CCDC91: variants seen among roughly 807,000 people sequenced by gnomAD.
CCDC91 encodes the protein coiled-coil domain containing 91.
In CCDC91, 48 loss-of-function variants were observed where a neutral mutation model predicts 63.2. The ratio of observed to expected loss-of-function variants is 0.76; its 90% CI spans 0.60 to 0.97. The LOEUF (loss-of-function observed/expected upper bound fraction) is 0.97, where lower values mean the gene tolerates loss of function less well. CCDC91 is among the 50% of genes least tolerant of loss of function. The pLI is 0.00. For synonymous variants in CCDC91, 167 were observed against 165.8 expected (o/e 1.01, Z -0.06); for missense variants, 500 against 494.6 (o/e 1.01, Z -0.10).
intron 8 of CCDC91, among the ~76,000 whole-genome samples, chr12:28,410,064 T>C (rs1947222736): frequency 6.6e-6 from 1 of 152,158 alleles, no homozygotes; most frequent in Non-Finnish European, 1.5e-5. Context: ...TCTTGTCAAG[T>C]CTTGTGTATT....
chr12:28,538,213 G>A lies in CCDC91; in HGVS notation c.1216-10850G>A, dbSNP rs182482350. 8.0e-5 allele frequency among the ~76,000 whole-genome samples: 12 copies of A among 150,498 alleles called. 1 individual carries two copies. The highest frequency in any genetic ancestry group is 1.3e-4 in the Admixed American group (2 of 15,148). ...GTTGGTGTGCTACACCCAGTAACTC[G>A]TCATTTAACATTATGTATATCTCCT... is the stretch of plus-strand genomic sequence containing the variant. On this transcript the variant is annotated intron_variant, in intron 12 of 12. Coordinates refer to ENST00000536442, the MANE Select transcript of CCDC91 (RefSeq NM_018318.5).
chr12:28,421,857 A>G (rs1376057128), intron 8 of CCDC91, among the ~76,000 whole-genome samples: 1 of 152,008 alleles, frequency 6.6e-6, no homozygotes, highest in Admixed American at 6.6e-5. Context: ...CCTTCCCTGT[A>G]TCCTATCATT....
At chr12:28,246,325 T>A (rs1945732540) in intron 1 of CCDC91, among the ~76,000 whole-genome samples, 1 of 152,158 alleles carries the variant, frequency 6.6e-6, no homozygotes, top group Non-Finnish European at 1.5e-5. Context: ...ACTGTCAGGG[T>A]CTTCAGGTTT....
At chr12:28,285,815 T>G (rs1180448329) in intron 3 of CCDC91, among the ~76,000 whole-genome samples, 24 of 152,106 alleles carry the variant, frequency 1.6e-4, no homozygotes, top group Non-Finnish European at 2.5e-4. Context: ...AATAGCTAGC[T>G]CTCCTTTATT....
intron 12 of CCDC91, among the ~76,000 whole-genome samples, chr12:28,538,746 C>G (rs1160010616): frequency 5.3e-5 from 8 of 152,048 alleles, no homozygotes; most frequent in Non-Finnish European, 1.2e-4. Context: ...ATTCCTATTT[C>G]TCCACATCCT....
chr12:28,474,649 A>C lies in CCDC91; in HGVS notation c.1102-9403A>C, dbSNP rs1329194769. ...GGGACTAAAAATATCTATGTGTTAG[A>C]TTTTGCAGTGTTTCTAAGAAATAAG... On this transcript the variant is annotated intron_variant, in intron 11 of 12. Transcript: ENST00000536442. 2.6e-5 allele frequency among the ~76,000 whole-genome samples: 4 copies of C among 152,190 alleles called. No homozygotes were observed. In the East Asian group the frequency reaches 7.7e-4, roughly 29 times the overall value.
intron 12 of CCDC91, among the ~76,000 whole-genome samples, chr12:28,486,819 G>A (rs896315681): frequency 3.9e-5 from 6 of 151,932 alleles, no homozygotes; most frequent in Non-Finnish European, 8.8e-5. Flanking sequence ...CCAAGAAACC[G>A]TGACATTAGC....
At chr12:28,247,248 A>G (rs1275016246) in intron 1 of CCDC91, among the ~76,000 whole-genome samples, 3 of 152,174 alleles carry the variant, frequency 2.0e-5, no homozygotes, top group Non-Finnish European at 4.4e-5. Flanking sequence ...TGGGAGGCCG[A>G]GGCCGGTGGA....
intron 3 of CCDC91, among the ~76,000 whole-genome samples, chr12:28,279,089 C>A (rs1948428444): frequency 6.6e-6 from 1 of 151,576 alleles, no homozygotes; most frequent in South Asian, 2.1e-4. Context: ...TTTTTCTTAC[C>A]TTTCCTCTCT....
intron 6 of CCDC91, among the ~76,000 whole-genome samples, chr12:28,352,452 G>A (rs1264433952): frequency 1.3e-5 from 2 of 152,178 alleles, no homozygotes; most frequent in Non-Finnish European, 2.9e-5. Context: ...TGTTAATTAA[G>A]TTTGTGTGGT....
chr12:28,539,708 A>G lies in CCDC91; in HGVS notation c.1216-9355A>G, dbSNP rs77782792. On this transcript the variant is annotated intron_variant, in intron 12 of 12. Transcript: ENST00000536442. The stretch of plus-strand genomic sequence containing the variant: ...GTTTACAAGAAGTAGGGATGTTAGG[A>G]TTTTCTTACATTCTTAGATCCAGGT... Among the ~76,000 whole-genome samples, 356 of 152,206 alleles carry G rather than the reference A, an allele frequency of 2.3e-3. 2 individuals are homozygous for G. Among genetic ancestry groups the G allele is most frequent in the African/African-American group, 8.1e-3 (338 of 41,538 alleles).
At chr12:28,459,685 T>TAACGACTAGTTAA (rs1390209412) in intron 11 of CCDC91, among the ~76,000 whole-genome samples, 1 of 152,180 alleles carries the variant, frequency 6.6e-6, no homozygotes, top group Non-Finnish European at 1.5e-5. Context: ...GAAAAATGTT[T>TAACGACTAGTTAA]ACTTTGAACG....
rs141762179 is a variant in CCDC91, at chr12:28,440,956, G to T, written c.763-9205G>T. On this transcript the variant is annotated intron_variant, in intron 8 of 12. Coordinates refer to ENST00000536442, the MANE Select transcript of CCDC91 (RefSeq NM_018318.5). ...ACCTGTAATCCCAGCTACTCAGGAGGCTGAGACAGGAGAATAATTTGAATC... is the reference window on the plus strand; with the variant it reads ...ACCTGTAATCCCAGCTACTCAGGAGTCTGAGACAGGAGAATAATTTGAATC... 2.3e-3 allele frequency among the ~76,000 whole-genome samples: 341 copies of T among 147,508 alleles called. 18 individuals are homozygous for T. The East Asian group carries it at 0.068, about 29-fold the overall frequency.
At chr12:28,439,029 C>T (rs1296954908) in intron 8 of CCDC91, among the ~76,000 whole-genome samples, 3 of 152,080 alleles carry the variant, frequency 2.0e-5, no homozygotes, top group Non-Finnish European at 4.4e-5. Context: ...CCAGGCCTGC[C>T]TTTTTAATGC....
intron 7 of CCDC91, among the ~76,000 whole-genome samples, chr12:28,384,827 A>AG (rs1170514644): frequency 1.3e-5 from 2 of 152,134 alleles, no homozygotes; most frequent in Non-Finnish European, 2.9e-5. Context: ...TGGAGGAAAA[A>AG]TAGATGAATG....
At chr12:28,327,946 G>A (rs1941165682) in intron 6 of CCDC91, among the ~76,000 whole-genome samples, 1 of 152,084 alleles carries the variant, frequency 6.6e-6, no homozygotes, top group Non-Finnish European at 1.5e-5. Flanking sequence ...GGTGAGATAG[G>A]AATTCAGCTA....
intron 6 of CCDC91, among the ~76,000 whole-genome samples, chr12:28,359,417 C>A (rs527727192): frequency 1.3e-4 from 20 of 152,148 alleles, no homozygotes; most frequent in African/African-American, 4.8e-4. Context: ...CTAATTAACT[C>A]TAATTTTTAA....
At chr12:28,282,365 G>A (rs1479598891) in intron 3 of CCDC91, among the ~76,000 whole-genome samples, 2 of 152,078 alleles carry the variant, frequency 1.3e-5, no homozygotes, top group Admixed American at 1.3e-4. Context: ...TGTAGTATTT[G>A]TTCTTTTGTT....
At chr12:28,334,981 G>A (rs1266552359) in intron 6 of CCDC91, among the ~76,000 whole-genome samples, 1 of 133,186 alleles carries the variant, frequency 7.5e-6, no homozygotes, top group African/African-American at 2.7e-5. Flanking sequence ...TTAGTTCAGT[G>A]TTTATGTGTG....
Sources: allele counts gnomAD v4.1 joint callset (sites outside exome capture counted in the v4.1 genomes callset), GRCh38; gene constraint gnomAD v4.1.1; transcripts MANE v1.5; gene names NCBI Gene and HGNC (gene_info 2026-07-23, HGNC 2026-07-21).